GARIN1B: variants seen among roughly 807,000 people sequenced by gnomAD.
The protein encoded by GARIN1B is Golgi-associated RAB2 interactor protein 1B.
the GARIN1B span, chr7:128,730,069 G>A: frequency 5.8e-5 from 93 of 1,612,640 alleles, 1 homozygote; most frequent in South Asian, 1.0e-3. Context: ...CCCACCCATA[G>A]GTACAGCAAT....
the GARIN1B span, among the ~76,000 whole-genome samples, chr7:128,727,543 G>C: frequency 6.6e-6 from 1 of 152,188 alleles, no homozygotes; most frequent in Non-Finnish European, 1.5e-5. Flanking sequence ...AAAGCAGCCA[G>C]TTCCCTATTT....
chr7:128,714,579 CA>C, the GARIN1B span, among the ~76,000 whole-genome samples: 145,187 of 148,558 alleles, frequency 0.98, 70,951 homozygotes, highest in East Asian at 1. Context: ...GACTCCATCT[CA>C]AAAAAAAAAA....
chr7:128,725,346 C>G, the GARIN1B span, among the ~76,000 whole-genome samples: 1 of 20,308 alleles, frequency 4.9e-5, no homozygotes, highest in Non-Finnish European at 8.4e-5. Context: ...ACTTTCCTTC[C>G]TTCCTTCCTT....
the GARIN1B span, among the ~76,000 whole-genome samples, chr7:128,728,285 T>C: frequency 6.6e-6 from 1 of 151,968 alleles, no homozygotes; most frequent in South Asian, 2.1e-4. Context: ...CTACTAAAAA[T>C]ACAAAAATTG....
At chr7:128,717,182 G>T in the GARIN1B span, among the ~76,000 whole-genome samples, 2 of 152,196 alleles carry the variant, frequency 1.3e-5, no homozygotes, top group Non-Finnish European at 2.9e-5. Flanking sequence ...GTGGGACAAA[G>T]GGAGATGTCA....
At chr7:128,714,582 A>G in the GARIN1B span, among the ~76,000 whole-genome samples, 1 of 149,672 alleles carries the variant, frequency 6.7e-6, no homozygotes, top group Non-Finnish European at 1.5e-5. Context: ...TCCATCTCAA[A>G]AAAAAAAAAA....
the GARIN1B span, among the ~76,000 whole-genome samples, chr7:128,711,496 T>C: frequency 6.6e-6 from 1 of 152,022 alleles, no homozygotes; most frequent in South Asian, 2.1e-4. Flanking sequence ...AAGCCAGCTG[T>C]AGTAATAATT....
the GARIN1B span, among the ~76,000 whole-genome samples, chr7:128,713,639 G>A: frequency 6.6e-6 from 1 of 152,156 alleles, no homozygotes; most frequent in African/African-American, 2.4e-5. Flanking sequence ...TTAGCATCTT[G>A]TTTAGAGCTA....
the GARIN1B span, among the ~76,000 whole-genome samples, chr7:128,729,643 G>A: frequency 1.1e-4 from 17 of 152,324 alleles, no homozygotes; most frequent in African/African-American, 3.8e-4. Flanking sequence ...TCTTGTTCAC[G>A]TGACATAGTG....
the GARIN1B span, chr7:128,717,033 G>A: frequency 3.2e-5 from 50 of 1,546,966 alleles, no homozygotes; most frequent in Non-Finnish European, 3.9e-5. Context: ...GACAAGAGGG[G>A]TGAGGGGTGG....
the GARIN1B span, chr7:128,724,973 G>A: frequency 1.0e-6 from 1 of 970,476 alleles, no homozygotes; most frequent in Non-Finnish European, 1.3e-6. Context: ...TCTGTAAAAT[G>A]GAAATGAAAA....
At chr7:128,720,804 G>A in the GARIN1B span, among the ~76,000 whole-genome samples, 1 of 152,210 alleles carries the variant, frequency 6.6e-6, no homozygotes, top group East Asian at 1.9e-4. Context: ...TGAATTATCA[G>A]TTCCATTCTG....
the GARIN1B span, among the ~76,000 whole-genome samples, chr7:128,720,111 T>G: frequency 6.6e-6 from 1 of 152,180 alleles, no homozygotes; most frequent in Non-Finnish European, 1.5e-5. Flanking sequence ...TTTCTCTCAG[T>G]CTATGAATTG....
At chr7:128,726,800 C>G in the GARIN1B span, 1 of 1,613,054 alleles carries the variant, frequency 6.2e-7, no homozygotes, top group Non-Finnish European at 8.5e-7. Flanking sequence ...TTTCAACTTT[C>G]ATTTCCTTGA....
At chr7:128,719,697 CT>C in the GARIN1B span, among the ~76,000 whole-genome samples, 6,731 of 98,810 alleles carry the variant, frequency 0.068, 68 homozygotes, top group Non-Finnish European at 0.08. Flanking sequence ...TTTTGTTTTG[CT>C]TTTTTTTTTT....
chr7:128,717,030 G>A, the GARIN1B span: 1 of 1,548,718 alleles, frequency 6.5e-7, no homozygotes, highest in Non-Finnish European at 8.8e-7. Flanking sequence ...GAGGACAAGA[G>A]GGGTGAGGGG....
chr7:128,730,983 T>C, the GARIN1B span: 1 of 945,096 alleles, frequency 1.1e-6, no homozygotes, highest in African/African-American at 1.6e-5. Context: ...CCTTATAAGA[T>C]ACCTATTATA....
the GARIN1B span, chr7:128,717,141 A>C: frequency 1.3e-6 from 1 of 775,732 alleles, no homozygotes; most frequent in Admixed American, 3.1e-5. Context: ...GTATCCTAAG[A>C]CAGGTGTTGC....
At chr7:128,715,779 GGC>G in the GARIN1B span, 1 of 1,186,186 alleles carries the variant, frequency 8.4e-7, no homozygotes. Flanking sequence ...CTGAAACTGG[GGC>G]AGAGTGAGAA....
Sources: allele counts gnomAD v4.1 joint callset (sites outside exome capture counted in the v4.1 genomes callset), GRCh38; gene constraint gnomAD v4.1.1; transcripts MANE v1.5; gene names NCBI Gene and HGNC (gene_info 2026-07-23, HGNC 2026-07-21).